The following SPINK5 variants were observed in gnomAD, a reference collection of about 807,000 sequenced individuals.
The protein encoded by SPINK5 is serine protease inhibitor Kazal-type 5.
SPINK5 carries 125 observed loss-of-function variants against 151.8 expected under a neutral mutation model. The ratio of observed to expected loss-of-function variants is 0.82; its 90% CI spans 0.71 to 0.96. SPINK5 has a LOEUF of 0.96. Ranked by LOEUF, SPINK5 falls within the 40% of genes least tolerant of loss-of-function variation. SPINK5 has a pLI of 0.00. For synonymous variants in SPINK5, 374 were observed against 395.3 expected (o/e 0.95, Z 0.64); for missense variants, 1,194 against 1,291.9 (o/e 0.92, Z 1.16).
rs777776015 is a variant in SPINK5 at position 148,089,625 on chromosome 5, A to G, written c.602+4A>G. On this transcript the variant is annotated splice_donor_region_variant and intron_variant, in intron 7 of 32. Coordinates refer to ENST00000256084, the MANE Select transcript of SPINK5 (RefSeq NM_006846.4). ...GTGCAATGTGTGCTGAGCTGTTGTA[A>G]GTAGCATCATCCCCAGGTGGACTTG... 1.2e-6 allele frequency: 2 copies of G among 1,611,664 alleles called. No individual in the cohort carries two copies. The highest frequency in any genetic ancestry group is 1.7e-6 in the Non-Finnish European group (2 of 1,178,474).
At chr5:148,104,692 G>A (rs1753732870) in intron 15 of SPINK5, among the ~76,000 whole-genome samples, 2 of 152,020 alleles carry the variant, frequency 1.3e-5, no homozygotes, top group South Asian at 4.1e-4. Flanking sequence ...TCAGGAGTTC[G>A]AGACCAGCCT....
Position 148,088,619 on chromosome 5 carries a change from T to A in SPINK5, c.474+14T>A. 3 of 1,610,926 alleles carry A rather than the reference T, an allele frequency of 1.9e-6. No homozygotes were observed. The highest frequency in any genetic ancestry group is 2.5e-6 in the Non-Finnish European group (3 of 1,178,054). ...AATCCAGAGCAGGTGAGGTCAATTG[T>A]CAGCCTGATGGGAAATACTGGGAGG... On this transcript the variant is annotated intron_variant, in intron 6 of 32. Coordinates refer to ENST00000256084, the MANE Select transcript of SPINK5 (RefSeq NM_006846.4).
chr5:148,100,725 T>C lies in SPINK5; in HGVS notation c.1220+144T>C. 7.6e-6 allele frequency: 7 copies of C among 916,326 alleles called. No homozygotes were observed. In the South Asian group the frequency reaches 8.7e-5, roughly 11 times the overall value. 56.8% of individuals were successfully genotyped at this position (916,326 alleles called of 1,614,324 possible). ...GAGAAACTGTCTGATTGGAGACATG[T>C]ATTTGAAAATCCATGTCCTTTGAAG... On this transcript the variant is annotated intron_variant, in intron 13 of 32. Coordinates refer to ENST00000256084, the MANE Select transcript of SPINK5 (RefSeq NM_006846.4).
chr5:148,089,570 G>A lies in SPINK5; in HGVS notation c.551G>A (p.Gly184Asp), dbSNP rs201812473. The A allele has an allele frequency of 9.8e-5, 158 of 1,612,046 alleles. No individual in the cohort carries two copies. Among genetic ancestry groups the A allele is most frequent in the Non-Finnish European group, 5.6e-5 (66 of 1,178,804 alleles). The change falls in exon 7 of 33, where the codon GGT becomes GAT. Residue 184 changes from glycine to aspartate, a missense_variant. Coordinates refer to ENST00000256084, the MANE Select transcript of SPINK5 (RefSeq NM_006846.4). ...GCTRENDPVL[G>D]PDGKTHGNKC... The stretch of plus-strand genomic sequence containing the variant: ...ACAAGGGAAAATGATCCTGTTCTTG[G>A]TCCTGATGGGAAGACGCATGGCAAT...
rs566117914 is a variant in SPINK5 at position 148,124,074 on chromosome 5, C to T, written c.2666+114C>T. The T allele has an allele frequency of 2.2e-5, 26 of 1,184,212 alleles. No individual in the cohort carries two copies. In the East Asian group the frequency reaches 6.0e-4, roughly 27 times the overall value. 73.4% of individuals were successfully genotyped at this position (1,184,212 alleles called of 1,614,324 possible). A position where few individuals can be genotyped will look rare whatever the true frequency, so the allele number is the denominator to read the frequency against. On this transcript the variant is annotated intron_variant, in intron 27 of 32. Transcript: ENST00000256084. ...GCATCACACATTAATGATATGATAC[C>T]TCCTCTCTTTTGAAGAGACAATTTC...
chr5:148,115,431 A>G (rs1355790981), intron 21 of SPINK5, among the ~76,000 whole-genome samples: 1 of 152,238 alleles, frequency 6.6e-6, no homozygotes, highest in Admixed American at 6.5e-5. Flanking sequence ...ATTTGTTAGC[A>G]GTAAACAGGA....
intron 8 of SPINK5, 36 bp downstream of exon 8, chr5:148,091,264 G>A: frequency 1.3e-6 from 2 of 1,589,572 alleles, no homozygotes; most frequent in South Asian, 2.2e-5. Context: ...TGTTCTTGTG[G>A]CCATATTTAT....
At chr5:148,084,656 TC>T (rs1224520326) in intron 4 of SPINK5, among the ~76,000 whole-genome samples, 3 of 151,888 alleles carry the variant, frequency 2.0e-5, no homozygotes, top group Admixed American at 6.6e-5. Context: ...TGTAGTATCT[TC>T]AGGAATGATT....
chr5:148,127,372 T>C (rs1443336350), intron 30 of SPINK5, among the ~76,000 whole-genome samples: 1 of 152,192 alleles, frequency 6.6e-6, no homozygotes, highest in Admixed American at 6.5e-5. Flanking sequence ...GTAAAATACA[T>C]AGTCAGGTGC....
At position 148,099,294 on chromosome 5, in the gene SPINK5, T is replaced by G. The variant is rs561354824; in HGVS notation, c.1071T>G (p.Ser357=). ...CACGAGCTAGAAACAAAAGAGAATC[T>G]GGAAAAGCAACCTCATATGCAGTGA... ...AEARARNKRE[S]GKATSYAELC... Residue 357 remains serine, a synonymous_variant, in exon 12 of 33, where the codon TCT becomes TCG. Transcript: ENST00000256084. 8.1e-6 allele frequency: 13 copies of G among 1,612,414 alleles called. 1 individual carries two copies. The highest frequency in any genetic ancestry group is 6.7e-5 in the East Asian group (3 of 44,756).
Position 148,112,873 on chromosome 5 carries a change from A to C in SPINK5, c.1826A>C (p.Gln609Pro). 6.2e-7 allele frequency: 1 copy of C among 1,613,896 alleles called. No homozygotes were observed. Among genetic ancestry groups the C allele is most frequent in the Middle Eastern group, 1.6e-4 (1 of 6,062 alleles). Residue 609 changes from glutamine (Q) to proline (P), a missense_variant, in exon 20 of 33, where the codon CAA becomes CCA. Coordinates refer to ENST00000256084, the MANE Select transcript of SPINK5 (RefSeq NM_006846.4). Reference protein sequence around the residue: ...TCSMCEAFFQQEAKEKERAEP... With the variant: ...TCSMCEAFFQPEAKEKERAEP... ...TGTCCTCCCTTTTCTTATAGCCAGC[A>C]AGAAGCAAAAGAAAAAGAAAGAGCT... is the stretch of plus-strand genomic sequence containing the variant.
chr5:148,114,693 C>T (rs1754039535), intron 21 of SPINK5, among the ~76,000 whole-genome samples: 1 of 152,188 alleles, frequency 6.6e-6, no homozygotes, highest in Non-Finnish European at 1.5e-5. Context: ...TAAGCTATTA[C>T]ATTCTCTGTT....
At chr5:148,126,868 A>C in intron 29 of SPINK5, 115 bp from the exon 30 acceptor site, 1 of 843,890 alleles carries the variant, frequency 1.2e-6, no homozygotes, top group Admixed American at 2.5e-5. Flanking sequence ...CTGGGGTTAC[A>C]GGCGTGAACT....
chr5:148,128,568 G>T (rs746691854), intron 30 of SPINK5, among the ~76,000 whole-genome samples: 1 of 151,528 alleles, frequency 6.6e-6, no homozygotes, highest in Non-Finnish European at 1.5e-5. Flanking sequence ...TTGCTCTTTC[G>T]CCCAGGCCGG....
rs772170188 is a variant in SPINK5, at chr5:148,125,809, A to T, written c.2826A>T (p.Gly942=). The part of the protein sequence containing the change: ...RENDPVHGAD[G]KFYTNKCYMC... ...ATGACCCAGTGCACGGTGCTGATGG[A>T]AAGTTCTATACAAACAAGTGCTACA... Residue 942 remains glycine (G), a synonymous_variant, in exon 29 of 33, where the codon GGA becomes GGT. Coordinates refer to ENST00000256084, the MANE Select transcript of SPINK5 (RefSeq NM_006846.4). 1.2e-6 allele frequency: 2 copies of T among 1,614,226 alleles called. No individual in the cohort carries two copies. Among genetic ancestry groups the T allele is most frequent in the Admixed American group, 1.7e-5 (1 of 60,034 alleles).
At chr5:148,098,693 G>T (rs1174707480) in intron 11 of SPINK5, among the ~76,000 whole-genome samples, 1 of 151,444 alleles carries the variant, frequency 6.6e-6, no homozygotes, top group Non-Finnish European at 1.5e-5. Flanking sequence ...TTGTCCTTTA[G>T]ATGAAACAGC....
intron 4 of SPINK5, among the ~76,000 whole-genome samples, chr5:148,080,037 G>T (rs1752979495): frequency 6.6e-6 from 1 of 150,846 alleles, no homozygotes; most frequent in Admixed American, 6.6e-5. Flanking sequence ...AAAATTACTA[G>T]AACTAATAAA....
chr5:148,088,738 C>A, intron 6 of SPINK5, 133 bp downstream of exon 6: 1 of 830,380 alleles, frequency 1.2e-6, no homozygotes, highest in Non-Finnish European at 2.0e-6. Flanking sequence ...ATGGAATACC[C>A]AGTACTGCCC....
rs1225362437 is a variant in SPINK5 at position 148,085,766 on chromosome 5, G to T, written c.283-639G>T. 2.0e-5 allele frequency among the ~76,000 whole-genome samples: 3 copies of T among 151,978 alleles called. No homozygotes were observed. In the East Asian group the frequency reaches 5.9e-4, roughly 30 times the overall value. On this transcript the variant is annotated intron_variant, in intron 4 of 32. Coordinates refer to ENST00000256084, the MANE Select transcript of SPINK5 (RefSeq NM_006846.4). ...TTAGTTTACTTGGCTTGTCAGTAGA[G>T]AAAACATTGAAAATAACAACAACAA...
Sources: allele counts gnomAD v4.1 joint callset (sites outside exome capture counted in the v4.1 genomes callset), GRCh38; gene constraint gnomAD v4.1.1; transcripts MANE v1.5; gene names NCBI Gene and HGNC (gene_info 2026-07-23, HGNC 2026-07-21).